The following RBM6 variants were observed in gnomAD, a reference collection of about 807,000 sequenced individuals.
RBM6 encodes RNA-binding protein 6.
Under a neutral mutation model 140.4 loss-of-function variants are expected in RBM6, and 23 were observed. The observed-to-expected ratio is 0.16, with a 90% CI of 0.12 to 0.23. RBM6 has a LOEUF of 0.23. Among genes scored for constraint, RBM6 ranks in the 10% least tolerant of loss-of-function variants. The pLI is 1.00. For synonymous variants in RBM6, 439 were observed against 475.6 expected, an observed-to-expected ratio of 0.92 and a Z score of 1.00; for missense variants, 1,139 against 1,386.7, an observed-to-expected ratio of 0.82 and a Z score of 2.84.
chr3:49,956,028 ATT>A (rs1199817964), intron 1 of RBM6, among the ~76,000 whole-genome samples: 1 of 146,592 alleles, frequency 6.8e-6, no homozygotes, highest in Non-Finnish European at 1.5e-5. Flanking sequence ...GTGAAAAAAA[ATT>A]TTTTTTTTTT....
chr3:50,057,944 G>A lies in RBM6; in HGVS notation c.1910G>A (p.Arg637Gln), dbSNP rs146116954. Residue 637 changes from arginine to glutamine, a missense_variant, in exon 9 of 21, where the codon CGA becomes CAA. Physicochemically the swap from Arg to Gln is conservative, Grantham distance 43. Coordinates refer to ENST00000266022, the MANE Select transcript of RBM6 (RefSeq NM_005777.3). ...PPSRREGPTF[R>Q]RDRERESWSG... The stretch of plus-strand genomic sequence containing the variant: ...TCTCGAAGGGAAGGGCCAACTTTCC[G>A]AAGAGACCGAGAGAGGGAGTCATGG... 21 of 1,614,014 alleles carry A rather than the reference G, an allele frequency of 1.3e-5. No individual in the cohort carries two copies. Among genetic ancestry groups the A allele is most frequent in the African/African-American group, 1.1e-4 (8 of 74,924 alleles).
intron 5 of RBM6, among the ~76,000 whole-genome samples, chr3:49,983,287 G>T (rs1414279110): frequency 6.6e-6 from 1 of 152,100 alleles, no homozygotes; most frequent in Non-Finnish European, 1.5e-5. Context: ...TCAATGTAGG[G>T]ATAGAAATCC....
chr3:50,066,366 G>A lies in RBM6; in HGVS notation c.2807G>A (p.Arg936Gln), dbSNP rs570792425. 118 of 1,614,080 alleles carry A rather than the reference G, an allele frequency of 7.3e-5. No individual in the cohort carries two copies. In the South Asian group the frequency reaches 9.1e-4, roughly 12 times the overall value. The change falls in exon 17 of 21, where the codon CGA becomes CAA. Residue 936 changes from arginine to glutamine, a missense_variant. Physicochemically the swap from Arg to Gln is conservative, Grantham distance 43. This residue lies in a region of RBM6 where 23 missense variants were observed against 19.2 expected (regional missense o/e 1.20). Coordinates refer to ENST00000266022, the MANE Select transcript of RBM6 (RefSeq NM_005777.3). ...CCCCGCACAGCACAGCCCCAGAAGC[G>A]AGAGGAGCAAACCAAGAAGGAGAAT... ...PQPRTAQPQK[R>Q]EEQTKKENEE...
intron 1 of RBM6, among the ~76,000 whole-genome samples, chr3:49,944,697 A>G (rs943451768): frequency 4.6e-5 from 7 of 151,726 alleles, no homozygotes; most frequent in African/African-American, 1.7e-4. Flanking sequence ...GCTGGTCTTG[A>G]ACTTCTGACC....
intron 5 of RBM6, among the ~76,000 whole-genome samples, chr3:49,982,210 T>C (rs938779433): frequency 2.0e-5 from 3 of 151,712 alleles, no homozygotes; most frequent in Non-Finnish European, 4.4e-5. Flanking sequence ...TTGGGTCTAC[T>C]GAAAGTGACG....
chr3:49,958,316 G>A (rs1035620719), intron 1 of RBM6, among the ~76,000 whole-genome samples: 3 of 152,148 alleles, frequency 2.0e-5, no homozygotes. Flanking sequence ...AGCACTTTGG[G>A]AGGCTGAGGT....
intron 11 of RBM6, 172 bp from the exon 12 acceptor site, chr3:50,060,784 A>G: frequency 2.6e-6 from 1 of 390,402 alleles, no homozygotes; most frequent in South Asian, 1.0e-4. Flanking sequence ...AAAGAGTCTT[A>G]CTGCTCATTC....
intron 10 of RBM6, chr3:50,058,933 A>T (rs546095377): frequency 5.0e-4 from 81 of 162,040 alleles, no homozygotes; most frequent in African/African-American, 1.2e-3. Flanking sequence ...AAAAAAAAAA[A>T]TTTGAGGGAC....
Position 49,981,223 on chromosome 3 carries a change from G to A in RBM6, c.1483+5831G>A, listed in dbSNP as rs2085294062. ...CCTATATTTTATCTTTAAATGATCA[G>A]CAGAAACCTTGTAAGCTGAAGACTG... On this transcript the variant is annotated intron_variant, in intron 5 of 20. Coordinates refer to ENST00000266022, the MANE Select transcript of RBM6 (RefSeq NM_005777.3). 2.6e-5 allele frequency among the ~76,000 whole-genome samples: 4 copies of A among 152,110 alleles called. No homozygotes were observed. In the South Asian group the frequency reaches 8.3e-4, roughly 31 times the overall value.
At chr3:50,053,314 C>G (rs966166993) in intron 7 of RBM6, among the ~76,000 whole-genome samples, 6 of 152,094 alleles carry the variant, frequency 3.9e-5, no homozygotes, top group African/African-American at 1.4e-4. Context: ...GGCAGATCAC[C>G]TGAGGTCGGG....
intron 6 of RBM6, among the ~76,000 whole-genome samples, chr3:50,018,433 A>C (rs1026659583): frequency 1.3e-5 from 2 of 152,150 alleles, no homozygotes; most frequent in African/African-American, 4.8e-5. Flanking sequence ...TTCACCTACT[A>C]AATGACATTT....
intron 1 of RBM6, among the ~76,000 whole-genome samples, chr3:49,958,067 G>C (rs1351402085): frequency 1.3e-5 from 2 of 152,020 alleles, no homozygotes; most frequent in Non-Finnish European, 2.9e-5. Context: ...CCTGACCTCA[G>C]GTGTGAGCCA....
At chr3:50,003,084 C>T (rs961780620) in intron 6 of RBM6, among the ~76,000 whole-genome samples, 1 of 151,744 alleles carries the variant, frequency 6.6e-6, no homozygotes, top group Non-Finnish European at 1.5e-5. Flanking sequence ...CCACTGCACT[C>T]CAGCCTGCTG....
chr3:50,051,289 A>G (rs2089455830), intron 7 of RBM6, among the ~76,000 whole-genome samples: 2 of 152,212 alleles, frequency 1.3e-5, no homozygotes, highest in Non-Finnish European at 2.9e-5. Flanking sequence ...TCAGTGAGCT[A>G]TGATAGTGCC....
intron 2 of RBM6, among the ~76,000 whole-genome samples, chr3:49,963,765 T>C (rs758698017): frequency 1.2e-4 from 18 of 152,236 alleles, no homozygotes; most frequent in Non-Finnish European, 2.2e-4. Context: ...GTATTGTGTT[T>C]ACAATTAATG....
chr3:49,992,414 A>G (rs958644868), intron 5 of RBM6, among the ~76,000 whole-genome samples: 1 of 152,220 alleles, frequency 6.6e-6, no homozygotes, highest in Non-Finnish European at 1.5e-5. Context: ...ACTAGAAGTC[A>G]GGAAATTCGT....
At chr3:49,941,631 ACT>A (rs1366800125) in intron 1 of RBM6, among the ~76,000 whole-genome samples, 3 of 119,746 alleles carry the variant, frequency 2.5e-5, no homozygotes, top group South Asian at 2.7e-4. Flanking sequence ...CAAGAGTGAA[ACT>A]CTGTCTCAAA....
chr3:49,963,845 A>G (rs905685762), intron 2 of RBM6, among the ~76,000 whole-genome samples: 2 of 152,168 alleles, frequency 1.3e-5, no homozygotes, highest in Admixed American at 6.6e-5. Context: ...CTTTAAATGT[A>G]TGCATTCATA....
In RBM6 at chr3:50,062,038, G is replaced by A. The variant is rs2089962472; in HGVS notation, c.2516G>A (p.Gly839Glu). The change falls in exon 15 of 21, where the codon GGA becomes GAA. Residue 839 changes from glycine to glutamate, a missense_variant. Physicochemically the swap from Gly to Glu is moderately conservative, Grantham distance 98. This residue lies in a region of RBM6 where 163 missense variants were observed against 182.8 expected (regional missense o/e 0.89). Transcript: ENST00000266022. ...AAGGAAAAAAAACCCACCAGTCAAG[G>A]AAAGTCAAGTAGCAAGAAGGAAATG... ...EIKEKKPTSQ[G>E]KSSSKKEMSK... 1.9e-6 allele frequency: 3 copies of A among 1,614,032 alleles called. No homozygotes were observed. Among genetic ancestry groups the A allele is most frequent in the Admixed American group, 1.7e-5 (1 of 60,004 alleles).
Sources: allele counts gnomAD v4.1 joint callset (sites outside exome capture counted in the v4.1 genomes callset), GRCh38; gene constraint gnomAD v4.1.1; regional missense constraint gnomAD v4.1.1; transcripts MANE v1.5; gene names NCBI Gene and HGNC (gene_info 2026-07-23, HGNC 2026-07-21).